Variants in BAZ1B observed in about 807,000 individuals in gnomAD.
BAZ1B encodes the protein tyrosine-protein kinase BAZ1B.
BAZ1B carries 22 observed loss-of-function variants against 153.8 expected under a neutral mutation model. That is an observed-to-expected ratio of 0.14 (90% confidence interval 0.10 to 0.20). BAZ1B has a LOEUF of 0.20. Ranked by LOEUF, BAZ1B falls within the 10% of genes least tolerant of loss-of-function variation. BAZ1B has a pLI of 1.00. For synonymous variants in BAZ1B, 676 were observed against 633.4 expected, an observed-to-expected ratio of 1.07 and a Z score of -1.01; for missense variants, 1,325 against 1,799.3, an observed-to-expected ratio of 0.74 and a Z score of 4.77.
intron 4 of BAZ1B, among the ~76,000 whole-genome samples, chr7:73,497,084 C>CAAAAAAAA (rs71071939): frequency 8.9e-6 from 1 of 112,236 alleles, no homozygotes; most frequent in African/African-American, 4.0e-5. Context: ...AAAAAAAAAA[C>CAAAAAAAA]CTACAAAAAT....
At chr7:73,488,405 T>C (rs926936457) in intron 6 of BAZ1B, among the ~76,000 whole-genome samples, 8 of 152,102 alleles carry the variant, frequency 5.3e-5, no homozygotes, top group Non-Finnish European at 4.4e-5. Context: ...TTCATAAAAA[T>C]ATTTGGAAAA....
chr7:73,468,815 T>C (rs1788689622), intron 9 of BAZ1B, among the ~76,000 whole-genome samples: 1 of 152,080 alleles, frequency 6.6e-6, no homozygotes, highest in Non-Finnish European at 1.5e-5. Flanking sequence ...GCATAAACAC[T>C]GAATAAATTA....
At chr7:73,476,572 C>A (rs1450276458) in intron 7 of BAZ1B, among the ~76,000 whole-genome samples, 1 of 152,176 alleles carries the variant, frequency 6.6e-6, no homozygotes, top group African/African-American at 2.4e-5. Flanking sequence ...AGTCAACTCC[C>A]AAGTCCTATG....
chr7:73,480,510 T>G (rs1169442088), intron 6 of BAZ1B, among the ~76,000 whole-genome samples: 1 of 152,216 alleles, frequency 6.6e-6, no homozygotes, highest in African/African-American at 2.4e-5. Flanking sequence ...CCAAGTCAAG[T>G]AATCCAAAAT....
intron 2 of BAZ1B, 117 bp downstream of exon 2, chr7:73,510,618 TA>T: frequency 1.1e-6 from 1 of 951,574 alleles, no homozygotes; most frequent in South Asian, 1.5e-5. Flanking sequence ...TACACTAATG[TA>T]ATATAGTCTA....
Position 73,467,904 on chromosome 7 carries a change from C to T in BAZ1B, c.2867-1503G>A, listed in dbSNP as rs991206459. Among the ~76,000 whole-genome samples, 63 of 152,134 alleles carry T rather than the reference C, an allele frequency of 4.1e-4. 1 individual carries two copies. The highest frequency in any genetic ancestry group is 2.6e-4 in the Non-Finnish European group (18 of 68,030). ...TCACCTGAGTATTTATGAAGTCTAA[C>T]GAAACCAGATTCTTCTATAAAGTGA... On this transcript the variant is annotated intron_variant, in intron 9 of 19. Coordinates refer to ENST00000339594, the MANE Select transcript of BAZ1B (RefSeq NM_032408.4).
intron 12 of BAZ1B, among the ~76,000 whole-genome samples, chr7:73,460,957 C>CT (rs1220928711): frequency 0.015 from 2,141 of 145,208 alleles, 42 homozygotes; most frequent in African/African-American, 0.047. Flanking sequence ...CTATCTCTCT[C>CT]TTTTTTTTTT....
At chr7:73,516,707 G>A (rs184175093) in intron 1 of BAZ1B, among the ~76,000 whole-genome samples, 260 of 146,880 alleles carry the variant, frequency 1.8e-3, no homozygotes, top group African/African-American at 6.2e-3. Flanking sequence ...GTTGGGAGGC[G>A]GAGGTTGCAG....
At chr7:73,476,791 T>A in intron 7 of BAZ1B, 77 bp downstream of exon 7, 1 of 1,521,004 alleles carries the variant, frequency 6.6e-7, no homozygotes, top group Non-Finnish European at 8.8e-7. Flanking sequence ...ACAGAGACCC[T>A]ACCATTACCT....
rs552561310 is a variant in BAZ1B at position 73,505,178 on chromosome 7, G to A, written c.369+3149C>T. ...CTAGCCAATAACATGTAAAGATAAA[G>A]GGTGGAGCTTTCTATTTTATGCTTC... On this transcript the variant is annotated intron_variant, in intron 3 of 19. Coordinates refer to ENST00000339594, the MANE Select transcript of BAZ1B (RefSeq NM_032408.4). 2.0e-5 allele frequency among the ~76,000 whole-genome samples: 3 copies of A among 152,260 alleles called. No homozygotes were observed. The East Asian group carries it at 5.8e-4, about 29-fold the overall frequency.
rs1554571148 is a variant in BAZ1B at position 73,466,288 on chromosome 7, C to G, written c.2972+8G>C. On this transcript the variant is annotated splice_region_variant and intron_variant, in intron 10 of 19. Coordinates refer to ENST00000339594, the MANE Select transcript of BAZ1B (RefSeq NM_032408.4). ...AAGAAAGAGCAACCAGATGAATGCT[C>G]ACATTACCATAGGTTCTGTCCTTGT... is the stretch of plus-strand genomic sequence containing the variant. 2.5e-6 allele frequency: 4 copies of G among 1,585,770 alleles called. No homozygotes were observed. The highest frequency in any genetic ancestry group is 3.5e-6 in the Non-Finnish European group (4 of 1,155,538).
chr7:73,496,984 A>G (rs1789929109), intron 4 of BAZ1B, among the ~76,000 whole-genome samples: 1 of 151,232 alleles, frequency 6.6e-6, no homozygotes, highest in Non-Finnish European at 1.5e-5. Context: ...CTGTTTCAAA[A>G]AAAAGAGGTC....
chr7:73,514,792 G>T (rs1554579044), intron 1 of BAZ1B, among the ~76,000 whole-genome samples: 1 of 151,940 alleles, frequency 6.6e-6, no homozygotes, highest in Non-Finnish European at 1.5e-5. Flanking sequence ...TCTAAAAAAA[G>T]AAGATTAGCC....
chr7:73,442,029 T>A (rs1787636967), intron 19 of BAZ1B, 152 bp downstream of exon 19: 1 of 616,282 alleles, frequency 1.6e-6, no homozygotes, highest in Non-Finnish European at 2.8e-6. Flanking sequence ...ACCAACCCAA[T>A]ATCAAGCCCC....
At chr7:73,447,519 T>A (rs2237279) in intron 15 of BAZ1B, 140 bp from the exon 16 acceptor site, 1 of 1,090,250 alleles carries the variant, frequency 9.2e-7, no homozygotes, top group Non-Finnish European at 1.3e-6. Flanking sequence ...GGAGGGAACC[T>A]GAATGTAAGC....
chr7:73,469,239 C>T (rs1281807320), intron 9 of BAZ1B, among the ~76,000 whole-genome samples: 3 of 152,004 alleles, frequency 2.0e-5, no homozygotes, highest in Non-Finnish European at 4.4e-5. Flanking sequence ...TTCCAAGGGA[C>T]AAAGTTTGAA....
At chr7:73,468,163 CAT>C (rs1253340923) in intron 9 of BAZ1B, among the ~76,000 whole-genome samples, 2 of 152,168 alleles carry the variant, frequency 1.3e-5, no homozygotes, top group African/African-American at 4.8e-5. Flanking sequence ...TTATCTCCCA[CAT>C]GACACCAACA....
chr7:73,515,392 T>G (rs538705777), intron 1 of BAZ1B, among the ~76,000 whole-genome samples: 146 of 152,292 alleles, frequency 9.6e-4, no homozygotes, highest in African/African-American at 3.4e-3. Context: ...TTTCGACCAA[T>G]AGATGTGAGC....
At chr7:73,465,804 TC>T (rs1449888933) in intron 10 of BAZ1B, among the ~76,000 whole-genome samples, 1 of 152,138 alleles carries the variant, frequency 6.6e-6, no homozygotes, top group Non-Finnish European at 1.5e-5. Context: ...CTTGTCCCTT[TC>T]CCTCCAGAGA....
Sources: allele counts gnomAD v4.1 joint callset (sites outside exome capture counted in the v4.1 genomes callset), GRCh38; gene constraint gnomAD v4.1.1; transcripts MANE v1.5; gene names NCBI Gene and HGNC (gene_info 2026-07-23, HGNC 2026-07-21).